The following RSF1 variants were observed in gnomAD, a reference collection of about 807,000 sequenced individuals.
The protein encoded by RSF1 is remodeling and spacing factor 1, also known as HBV pX-associated protein 8.
Under a neutral mutation model 145.2 loss-of-function variants are expected in RSF1, and 13 were observed. The ratio of observed to expected loss-of-function variants is 0.09; its 90% CI spans 0.06 to 0.14. RSF1 has a LOEUF of 0.14. Among genes scored for constraint, RSF1 ranks in the 10% least tolerant of loss-of-function variants. The pLI is 1.00. For synonymous variants in RSF1, 577 were observed against 592.6 expected, an observed-to-expected ratio of 0.97 and a Z score of 0.38; for missense variants, 1,517 against 1,718.2, an observed-to-expected ratio of 0.88 and a Z score of 2.07.
intron 1 of RSF1, among the ~76,000 whole-genome samples, chr11:77,779,095 C>T (rs924298088): frequency 6.6e-6 from 1 of 152,028 alleles, no homozygotes; most frequent in Admixed American, 6.6e-5. Flanking sequence ...AGACATGCAC[C>T]ACCATGCCCA....
At chr11:77,720,089 C>T (rs74936260) in intron 5 of RSF1, among the ~76,000 whole-genome samples, 1,982 of 152,244 alleles carry the variant, frequency 0.013, 38 homozygotes, top group African/African-American at 0.046. Context: ...ATACTAAAAT[C>T]ACTAAAATGG....
At chr11:77,862,121 G>A in the RSF1 span, among the ~76,000 whole-genome samples, 1 of 152,148 alleles carries the variant, frequency 6.6e-6, no homozygotes, top group Admixed American at 6.5e-5. Context: ...GGTAGCAAAT[G>A]TTTGCGGCAC....
chr11:77,865,915 T>C, the RSF1 span, among the ~76,000 whole-genome samples: 1 of 152,296 alleles, frequency 6.6e-6, no homozygotes, highest in South Asian at 2.1e-4. Context: ...AAAACAGGCC[T>C]CTGCCCTGGC....
At chr11:77,871,338 T>C in the RSF1 span, among the ~76,000 whole-genome samples, 428 of 152,338 alleles carry the variant, frequency 2.8e-3, 5 homozygotes, top group Admixed American at 3.8e-3. Context: ...AGAACATCTT[T>C]TATATAAATT....
the RSF1 span, chr11:77,866,653 G>A: frequency 6.6e-6 from 1 of 151,770 alleles, no homozygotes; most frequent in Non-Finnish European, 1.5e-5. Flanking sequence ...CTTACACTTG[G>A]ATTTCCAGCA....
intron 1 of RSF1, among the ~76,000 whole-genome samples, chr11:77,803,445 T>C (rs1387706728): frequency 6.8e-6 from 1 of 147,756 alleles, no homozygotes; most frequent in African/African-American, 2.5e-5. Flanking sequence ...CTGTGCCTAG[T>C]CAAGAGTGAG....
chr11:77,723,031 G>A (rs1230292715), intron 5 of RSF1, among the ~76,000 whole-genome samples: 1 of 152,142 alleles, frequency 6.6e-6, no homozygotes, highest in African/African-American at 2.4e-5. Context: ...TTTTAATTGT[G>A]TATGGGAATA....
chr11:77,692,079 T>C (rs1165611372), intron 8 of RSF1, among the ~76,000 whole-genome samples: 2 of 151,764 alleles, frequency 1.3e-5, no homozygotes, highest in East Asian at 3.9e-4. Context: ...TTAGTAGAGA[T>C]GGGATATCGT....
intron 1 of RSF1, among the ~76,000 whole-genome samples, chr11:77,781,508 T>C (rs1590883631): frequency 6.6e-6 from 1 of 152,190 alleles, no homozygotes; most frequent in East Asian, 1.9e-4. Context: ...AGCTCATGAG[T>C]TGTGTGGTAG....
At chr11:77,810,827 C>A (rs982935853) in intron 1 of RSF1, among the ~76,000 whole-genome samples, 3 of 152,222 alleles carry the variant, frequency 2.0e-5, no homozygotes, top group Admixed American at 6.5e-5. Flanking sequence ...AGATCATCAT[C>A]TGATAAGACT....
chr11:77,816,998 C>T (rs1948787592), intron 1 of RSF1, among the ~76,000 whole-genome samples: 1 of 152,174 alleles, frequency 6.6e-6, no homozygotes, highest in Non-Finnish European at 1.5e-5. Context: ...CACTTGAAAT[C>T]TCTCTCTGTA....
At chr11:77,841,133 CT>C in the RSF1 span, 1 of 695,794 alleles carries the variant, frequency 1.4e-6, no homozygotes, top group South Asian at 1.5e-5. Flanking sequence ...GAGGGCCATA[CT>C]TGTCCTTTTA....
At chr11:77,694,270 T>C (rs1163648039) in intron 7 of RSF1, among the ~76,000 whole-genome samples, 1 of 152,142 alleles carries the variant, frequency 6.6e-6, no homozygotes, top group Non-Finnish European at 1.5e-5. Context: ...CCACACAGAA[T>C]TTTTAAAACA....
chr11:77,686,442 C>T (rs977797646), intron 9 of RSF1, among the ~76,000 whole-genome samples: 6 of 94,762 alleles, frequency 6.3e-5, no homozygotes, highest in African/African-American at 1.5e-4. Flanking sequence ...GGTGTTTTCC[C>T]TGGTTCTCTC....
chr11:77,755,396 C>G (rs566922723), intron 2 of RSF1, among the ~76,000 whole-genome samples: 1 of 152,010 alleles, frequency 6.6e-6, no homozygotes, highest in Non-Finnish European at 1.5e-5. Flanking sequence ...TTGGCTTGAA[C>G]AAACAGGAAA....
At chr11:77,734,823 C>T in intron 4 of RSF1, 1 of 1,594,906 alleles carries the variant, frequency 6.3e-7, no homozygotes, top group Non-Finnish European at 8.5e-7. Context: ...TCATCAGTTT[C>T]TCAGCATGCT....
At chr11:77,866,711 G>A in the RSF1 span, 1 of 151,574 alleles carries the variant, frequency 6.6e-6, no homozygotes, top group East Asian at 1.9e-4. Context: ...CTCTGGGTGA[G>A]AGAGTGAGAC....
intron 2 of RSF1, among the ~76,000 whole-genome samples, chr11:77,750,190 T>TA (rs1053204903): frequency 6.6e-6 from 1 of 151,706 alleles, no homozygotes. Flanking sequence ...AACTTGCAAA[T>TA]AAAAAGATTA....
chr11:77,721,108 A>G (rs937568484), intron 5 of RSF1, among the ~76,000 whole-genome samples: 2 of 152,234 alleles, frequency 1.3e-5, no homozygotes, highest in Non-Finnish European at 2.9e-5. Context: ...AGCTACAAGA[A>G]TAAGAGTGGT....
Sources: allele counts gnomAD v4.1 joint callset (sites outside exome capture counted in the v4.1 genomes callset), GRCh38; gene constraint gnomAD v4.1.1; transcripts MANE v1.5; gene names NCBI Gene and HGNC (gene_info 2026-07-23, HGNC 2026-07-21).